The following SGCA variants were observed in gnomAD, a reference collection of about 807,000 sequenced individuals.
SGCA encodes sarcoglycan alpha.
SGCA carries 34 observed loss-of-function variants against 38.1 expected under a neutral mutation model. That is an observed-to-expected ratio of 0.89 (90% CI 0.68 to 1.19). The LOEUF (loss-of-function observed/expected upper bound fraction) is 1.19. SGCA is among the 50% of genes most tolerant of loss of function. The probability of loss-of-function intolerance (pLI) is 0.00; values close to 1 mark genes in which losing one functional copy is unlikely to be tolerated. For synonymous variants in SGCA, 209 were observed against 214.6 expected, an observed-to-expected ratio of 0.97 and a Z score of 0.23; for missense variants, 476 against 524.9, an observed-to-expected ratio of 0.91 and a Z score of 0.91.
chr17:50,175,353 G>A lies in SGCA; in HGVS notation c.1080G>A (p.Leu360=). The change falls in exon 9 of 10, where the codon CTG becomes CTA. Residue 360 remains leucine, a synonymous_variant. Coordinates refer to ENST00000262018, the MANE Select transcript of SGCA (RefSeq NM_000023.4). ...SREVPRPLST[L]PMFNVHTGER... ...AGGTGCCCCGGCCACTCTCCACCCT[G>A]CCCATGTTCAATGTGCACACAGGTG... 6.2e-7 allele frequency: 1 copy of A among 1,612,564 alleles called. No individual in the cohort carries two copies. Among genetic ancestry groups the A allele is most frequent in the Admixed American group, 1.7e-5 (1 of 59,974 alleles).
chr17:50,168,350 G>C, intron 4 of SGCA, 24 bp from the exon 5 acceptor site: 1 of 1,552,630 alleles, frequency 6.4e-7, no homozygotes, highest in Non-Finnish European at 8.7e-7. Flanking sequence ...GGTGCAGCCT[G>C]AGGTGTCCAC....
chr17:50,167,725 CAGGTCATTG>C lies in SGCA; in HGVS notation c.306_312+2del. 1 of 1,610,676 alleles carries C rather than the reference CAGGTCATTG, an allele frequency of 6.2e-7. No homozygotes were observed. The highest frequency in any genetic ancestry group is 8.5e-7 in the Non-Finnish European group (1 of 1,177,598). On this transcript the variant is annotated inframe_deletion and splice_region_variant, in exon 3 of 10. Transcript: ENST00000262018. The surrounding 1 kb of genome is among the most constrained non-coding windows in gnomAD (Gnocchi z 4.5). Reference sequence around the variant, plus strand: ...TGCCACCCCAGAAGATCGTGGGCTCCAGGTCATTGAGGTGCCGTCAGGGACCCTGAGAAA... The same window carrying C: ...TGCCACCCCAGAAGATCGTGGGCTCCAGGTGCCGTCAGGGACCCTGAGAAA...
intron 4 of SGCA, 88 bp downstream of exon 4, chr17:50,168,107 G>T (rs1013242591): frequency 5.5e-6 from 7 of 1,279,714 alleles, no homozygotes; most frequent in African/African-American, 4.4e-5. Flanking sequence ...GGACAGGAGA[G>T]GCTTGGAGAG....
intron 8 of SGCA, chr17:50,171,396 T>C (rs1905378775): frequency 4.9e-6 from 2 of 410,250 alleles, no homozygotes; most frequent in Non-Finnish European, 9.8e-6. Context: ...CCTCTCCCAA[T>C]ACCCTGAACC....
At position 50,167,461 on chromosome 17, in the gene SGCA, C is replaced by T. The variant is rs770516658; in HGVS notation, c.131C>T (p.Thr44Met). The change falls in exon 2 of 10, where the codon ACG (threonine) becomes ATG (methionine). Residue 44 changes from threonine to methionine, a missense_variant. Physicochemically the swap from Thr to Met is moderately conservative, Grantham distance 81. Transcript: ENST00000262018. The surrounding 1 kb of genome is among the most constrained non-coding windows in gnomAD (Gnocchi z 4.5). Reference sequence around the variant, plus strand: ...TTTGTGCACACCTTGGACCATGAGACGTTTCTGAGCCTTCCTGAGCATGTC... The same window carrying T: ...TTTGTGCACACCTTGGACCATGAGATGTTTCTGAGCCTTCCTGAGCATGTC... ...RVFVHTLDHETFLSLPEHVAV... is the reference protein window; with the variant it reads ...RVFVHTLDHEMFLSLPEHVAV... 5 of 1,614,050 alleles carry T rather than the reference C, an allele frequency of 3.1e-6. No individual in the cohort carries two copies. The highest frequency in any genetic ancestry group is 1.7e-5 in the Admixed American group (1 of 60,010).
At chr17:50,175,093 G>A (rs1461835793) in intron 8 of SGCA, 164 bp from the exon 9 acceptor site, 11 of 735,328 alleles carry the variant, frequency 1.5e-5, no homozygotes, top group South Asian at 1.4e-4. Flanking sequence ...CACCACGCCC[G>A]GCCCCATAGA....
intron 8 of SGCA, 126 bp downstream of exon 8, chr17:50,170,792 C>A: frequency 1.2e-6 from 1 of 826,036 alleles, no homozygotes; most frequent in Non-Finnish European, 2.0e-6. Flanking sequence ...CACCCCTTCC[C>A]TTGACCTCTG....
Position 50,167,826 on chromosome 17 carries a change from ACAGT to A in SGCA, c.312+93_312+96del, listed in dbSNP as rs1905049157. 1 of 1,538,874 alleles carries A rather than the reference ACAGT, an allele frequency of 6.5e-7. No homozygotes were observed. The highest frequency in any genetic ancestry group is 9.0e-7 in the Non-Finnish European group (1 of 1,112,272). ...ATGAATTGGGATTGGGTGCTCATTC[ACAGT>A]CATTTACATATAATTTACATACCTC... On this transcript the variant is annotated intron_variant, in intron 3 of 9. Coordinates refer to ENST00000262018, the MANE Select transcript of SGCA (RefSeq NM_000023.4). This position sits in a 1 kb window ranked among gnomAD's most constrained non-coding sequence, Gnocchi z 4.5.
At position 50,167,271 on chromosome 17, in the gene SGCA, C is replaced by A. The variant is rs1429576259; in HGVS notation, c.38-97C>A. 1.9e-6 allele frequency: 3 copies of A among 1,564,712 alleles called. No individual in the cohort carries two copies. In the African/African-American group the frequency reaches 4.1e-5, roughly 21 times the overall value. The stretch of plus-strand genomic sequence containing the variant: ...CAGCAAAGGAAGCGCTTCTCTCGGT[C>A]CCTTAGGGGCTCCAAGGACTTGGTG... On this transcript the variant is annotated intron_variant, in intron 1 of 9. Transcript: ENST00000262018. This position sits in a 1 kb window ranked among gnomAD's most constrained non-coding sequence, Gnocchi z 4.5.
At chr17:50,172,497 TAGAG>T (rs1437942949) in intron 8 of SGCA, 1 of 334,350 alleles carries the variant, frequency 3.0e-6, no homozygotes, top group African/African-American at 2.2e-5. Context: ...AAAAAATTTT[TAGAG>T]AGAGGGTCTC....
At chr17:50,171,536 C>G (rs1176691609) in intron 8 of SGCA, 1 of 456,818 alleles carries the variant, frequency 2.2e-6, no homozygotes, top group South Asian at 1.5e-5. Flanking sequence ...CACTTGGCCA[C>G]CCTTCGAACC....
At chr17:50,166,707 GCACCCTCACACACA>G (rs1904845436) in intron 1 of SGCA, among the ~76,000 whole-genome samples, 1 of 51,614 alleles carries the variant, frequency 1.9e-5, no homozygotes, top group African/African-American at 7.9e-5. Flanking sequence ...CACCCTCACG[GCACCCTCACACACA>G]CACCCTCACA....
chr17:50,169,691 A>G (rs1192544425), intron 6 of SGCA: 1 of 323,804 alleles, frequency 3.1e-6, no homozygotes, highest in Non-Finnish European at 5.9e-6. Flanking sequence ...AAAGATGCTC[A>G]CAACAGCTCT....
chr17:50,168,304 GC>G, intron 4 of SGCA, 69 bp from the exon 5 acceptor site: 1 of 1,363,728 alleles, frequency 7.3e-7, no homozygotes, highest in Non-Finnish European at 1.0e-6. Context: ...GTGGGGAGGA[GC>G]TTCAAGGAGG....
At chr17:50,172,127 G>T in intron 8 of SGCA, 1 of 456,592 alleles carries the variant, frequency 2.2e-6, no homozygotes, top group South Asian at 1.5e-5. Flanking sequence ...GTGTGTCCCG[G>T]TTCCTGGTCC....
Position 50,167,686 on chromosome 17 carries a change from T to C in SGCA, c.262T>C (p.Phe88Leu). ...CCAGCGCAGCCCCCACCACCCTGGCTTCCTCTACGGCTCTGCCACCCCAGA... is the reference window on the plus strand; with the variant it reads ...CCAGCGCAGCCCCCACCACCCTGGCCTCCTCTACGGCTCTGCCACCCCAGA... ...YTQRSPHHPG[F>L]LYGSATPEDR... The change falls in exon 3 of 10, where the codon TTC becomes CTC. Residue 88 changes from phenylalanine to leucine, a missense_variant. Physicochemically the swap from Phe to Leu is conservative, Grantham distance 22 (BLOSUM62 0). Transcript: ENST00000262018. The surrounding 1 kb of genome is among the most constrained non-coding windows in gnomAD (Gnocchi z 4.5). 1 of 1,613,812 alleles carries C rather than the reference T, an allele frequency of 6.2e-7. No homozygotes were observed. Among genetic ancestry groups the C allele is most frequent in the South Asian group, 1.1e-5 (1 of 91,076 alleles).
At chr17:50,170,396 C>CA (rs1224882844) in intron 7 of SGCA, 45 bp downstream of exon 7, 1 of 1,560,730 alleles carries the variant, frequency 6.4e-7, no homozygotes, top group African/African-American at 1.4e-5. Flanking sequence ...CTGGAGCTCA[C>CA]ACCCATGGGA....
intron 8 of SGCA, among the ~76,000 whole-genome samples, chr17:50,173,429 G>A (rs1905634170): frequency 9.3e-6 from 1 of 107,276 alleles, no homozygotes; most frequent in African/African-American, 2.9e-5. Flanking sequence ...GTGCCTGAGT[G>A]TGTAGGAATG....
chr17:50,169,356 C>G lies in SGCA; in HGVS notation c.747+102C>G. On this transcript the variant is annotated intron_variant, in intron 6 of 9. Coordinates refer to ENST00000262018, the MANE Select transcript of SGCA (RefSeq NM_000023.4). ...TCCTATCTCCGTCTCTCTGATTGCTCCAGTCACCATTTCTTTCCCTGATGC... is the reference window on the plus strand; with the variant it reads ...TCCTATCTCCGTCTCTCTGATTGCTGCAGTCACCATTTCTTTCCCTGATGC... 5 of 1,021,986 alleles carry G rather than the reference C, an allele frequency of 4.9e-6. 1 individual carries two copies. Among genetic ancestry groups the G allele is most frequent in the Non-Finnish European group, 7.2e-6 (5 of 698,268 alleles). 63.3% of individuals were successfully genotyped at this position (1,021,986 alleles called of 1,614,324 possible). A position where few individuals can be genotyped will look rare whatever the true frequency, so the allele number is the denominator to read the frequency against.
Sources: allele counts gnomAD v4.1 joint callset (sites outside exome capture counted in the v4.1 genomes callset), GRCh38; gene constraint gnomAD v4.1.1; non-coding constraint Gnocchi (gnomAD v3.1); transcripts MANE v1.5; gene names NCBI Gene and HGNC (gene_info 2026-07-23, HGNC 2026-07-21).